Variants in OR2V2 observed in about 807,000 individuals in gnomAD.
OR2V2 encodes olfactory receptor family 2 subfamily V member 2, also known as olfactory receptor 2V2.
For missense variants in OR2V2, 392 were observed against 392.2 expected, an observed-to-expected ratio of 1.00 and a Z score of 0.00; for synonymous variants, 161 against 151.3, an observed-to-expected ratio of 1.06 and a Z score of -0.47.
intron 1 of OR2V2, among the ~76,000 whole-genome samples, chr5:181,152,343 G>A (rs184146582): frequency 5.3e-5 from 8 of 152,250 alleles, no homozygotes; most frequent in African/African-American, 1.2e-4. Flanking sequence ...GGGGTAAGCC[G>A]CCTTATCTTG....
chr5:181,150,419 C>A (rs545374615), intron 1 of OR2V2, among the ~76,000 whole-genome samples: 1 of 152,340 alleles, frequency 6.6e-6, no homozygotes, highest in South Asian at 2.1e-4. Context: ...AAGACATGCG[C>A]TGGCAGTCAC....
chr5:181,147,872 G>A lies in OR2V2; in HGVS notation c.-148G>A, dbSNP rs796694565. The stretch of plus-strand genomic sequence containing the variant: ...GGCTGAGGAAGGAGGTTGGGGCTGC[G>A]GCTCCTCCTGTCCCCTGACCCAGTG... On this transcript the variant is annotated 5_prime_UTR_variant, in exon 1 of 2. Coordinates refer to ENST00000641492, the MANE Select transcript of OR2V2 (RefSeq NM_206880.2). 1.5e-4 allele frequency: 59 copies of A among 396,628 alleles called. No homozygotes were observed. Among genetic ancestry groups the A allele is most frequent in the African/African-American group, 6.9e-4 (33 of 47,962 alleles). The allele number at this position is 396,628 out of a possible 1,614,324, so 24.6% of individuals were successfully genotyped here.
chr5:181,148,795 G>A (rs934140538), intron 1 of OR2V2, among the ~76,000 whole-genome samples: 2 of 152,210 alleles, frequency 1.3e-5, no homozygotes, highest in African/African-American at 4.8e-5. Flanking sequence ...CTCTAAATGG[G>A]TGCTGAAGGG....
At chr5:181,154,447 G>A (rs1035619254) in intron 1 of OR2V2, among the ~76,000 whole-genome samples, 2 of 152,086 alleles carry the variant, frequency 1.3e-5, no homozygotes, top group South Asian at 2.1e-4. Flanking sequence ...AAAATTAGCT[G>A]GGCGTGGTGG....
intron 1 of OR2V2, among the ~76,000 whole-genome samples, chr5:181,152,923 T>C (rs1320212226): frequency 6.6e-6 from 1 of 152,266 alleles, no homozygotes. Context: ...ATATGTGTTA[T>C]TCTGTTTTAA....
rs1005283179 is a variant in OR2V2, at chr5:181,157,880, A to G, written c.*1990A>G. The G allele has an allele frequency of 4.6e-5, 7 of 152,146 alleles. No homozygotes were observed. Among genetic ancestry groups the G allele is most frequent in the African/African-American group, 1.7e-4 (7 of 41,442 alleles). The allele number at this position is 152,146 out of a possible 1,614,324, so 9.4% of individuals were successfully genotyped here. On this transcript the variant is annotated 3_prime_UTR_variant, in exon 2 of 2. Coordinates refer to ENST00000641492, the MANE Select transcript of OR2V2 (RefSeq NM_206880.2). ...TTGAGTGTTTCAACCACAACTCTTT[A>G]TCTATAGCCACTGAACCCCTAGACT...
At position 181,157,070 on chromosome 5, in the gene OR2V2, A is replaced by G. The variant is rs1763275156; in HGVS notation, c.*1180A>G. 1 of 152,154 alleles carries G rather than the reference A, an allele frequency of 6.6e-6. No individual in the cohort carries two copies. Among genetic ancestry groups the G allele is most frequent in the Non-Finnish European group, 1.5e-5 (1 of 68,028 alleles). The allele number at this position is 152,154 out of a possible 1,614,324, so 9.4% of individuals were successfully genotyped here. A position where few individuals can be genotyped will look rare whatever the true frequency, so the allele number is the denominator to read the frequency against. ...AATTTCATCTGCTATTTGAAAACCT[A>G]TTTTCAGAATTTCAGTGTGAACTAT... On this transcript the variant is annotated 3_prime_UTR_variant, in exon 2 of 2. Coordinates refer to ENST00000641492, the MANE Select transcript of OR2V2 (RefSeq NM_206880.2).
chr5:181,149,253 G>C, intron 1 of OR2V2, among the ~76,000 whole-genome samples: 1 of 152,148 alleles, frequency 6.6e-6, no homozygotes, highest in East Asian at 1.9e-4. Flanking sequence ...ATGTGGGGTG[G>C]ATATGTTTTG....
intron 1 of OR2V2, among the ~76,000 whole-genome samples, chr5:181,151,016 G>A (rs960021168): frequency 1.3e-5 from 2 of 152,168 alleles, no homozygotes; most frequent in African/African-American, 4.8e-5. Context: ...CAGAGTATCA[G>A]GCAGTGATGA....
In OR2V2 at chr5:181,156,400, G is replaced by A. The variant is rs575457919; in HGVS notation, c.*510G>A. 7.9e-4 allele frequency: 122 copies of A among 154,038 alleles called. No individual in the cohort carries two copies. Among genetic ancestry groups the A allele is most frequent in the Middle Eastern group, 3.4e-3 (1 of 296 alleles). 9.5% of individuals were successfully genotyped at this position (154,038 alleles called of 1,614,324 possible). The stretch of plus-strand genomic sequence containing the variant: ...TGAGATTACAGGCGTGAGCCACCAC[G>A]CACAGCCAACATCAGTACTTTTTAT... On this transcript the variant is annotated 3_prime_UTR_variant, in exon 2 of 2. Transcript: ENST00000641492.
intron 1 of OR2V2, among the ~76,000 whole-genome samples, chr5:181,150,480 G>C (rs1047713905): frequency 2.6e-5 from 4 of 152,204 alleles, no homozygotes; most frequent in African/African-American, 9.6e-5. Context: ...GCTCAGGTCA[G>C]GAGAAAGCTC....
At chr5:181,148,771 A>C (rs1048737761) in intron 1 of OR2V2, among the ~76,000 whole-genome samples, 1 of 152,096 alleles carries the variant, frequency 6.6e-6, no homozygotes, top group African/African-American at 2.4e-5. Flanking sequence ...GGGAGGGAGG[A>C]GGAAGGATTT....
intron 1 of OR2V2, among the ~76,000 whole-genome samples, chr5:181,149,177 G>A (rs563797847): frequency 6.6e-6 from 1 of 152,328 alleles, no homozygotes; most frequent in African/African-American, 2.4e-5. Context: ...CCATCCTCCA[G>A]GGAGGCTGCA....
Position 181,155,470 on chromosome 5 carries a change from C to A in OR2V2, c.528C>A (p.Asn176Lys), listed in dbSNP as rs752904239. 3.1e-6 allele frequency: 5 copies of A among 1,614,028 alleles called. No homozygotes were observed. The African/African-American group carries it at 5.3e-5, about 17-fold the overall frequency. Residue 176 changes from asparagine (N) to lysine (K), a missense_variant, in exon 2 of 2, where the codon AAC becomes AAA. Transcript: ENST00000641492. Reference protein sequence around the residue: ...NFPYCGLRKVNHFFCEMLSLL... With the variant: ...NFPYCGLRKVKHFFCEMLSLL... ...CCTACTGTGGCTTGAGGAAGGTGAACCATTTCTTCTGTGAGATGCTATCCT... is the reference window on the plus strand; with the variant it reads ...CCTACTGTGGCTTGAGGAAGGTGAAACATTTCTTCTGTGAGATGCTATCCT...
At position 181,156,102 on chromosome 5, in the gene OR2V2, TCC is replaced by T. The variant is rs1338204577; in HGVS notation, c.*213_*214del. On this transcript the variant is annotated 3_prime_UTR_variant, in exon 2 of 2. Coordinates refer to ENST00000641492, the MANE Select transcript of OR2V2 (RefSeq NM_206880.2). ...TCTTTCTTTCGTTCTTTCTTTCTCT[TCC>T]TCTTTCTCTTTCTTTCTTTTTCTTT... The T allele has an allele frequency of 2.7e-6, 1 of 369,858 alleles. No homozygotes were observed. 22.9% of individuals were successfully genotyped at this position (369,858 alleles called of 1,614,324 possible).
intron 1 of OR2V2, among the ~76,000 whole-genome samples, chr5:181,153,753 A>G (rs1376838796): frequency 2.6e-5 from 4 of 152,204 alleles, no homozygotes; most frequent in Non-Finnish European, 5.9e-5. Flanking sequence ...CTCCAAATAA[A>G]TCCATTGAAA....
chr5:181,148,511 G>A (rs759657941), intron 1 of OR2V2, among the ~76,000 whole-genome samples: 2 of 152,244 alleles, frequency 1.3e-5, no homozygotes, highest in Non-Finnish European at 2.9e-5. Flanking sequence ...TTAGAGAGCA[G>A]GAAAATGAGC....
chr5:181,155,448 A>G lies in OR2V2; in HGVS notation c.506A>G (p.Tyr169Cys). The G allele has an allele frequency of 1.9e-6, 3 of 1,614,066 alleles. No homozygotes were observed. The highest frequency in any genetic ancestry group is 2.5e-6 in the Non-Finnish European group (3 of 1,180,008). The change falls in exon 2 of 2, where the codon TAC (tyrosine) becomes TGC (cysteine). Residue 169 changes from tyrosine (Y) to cysteine (C), a missense_variant. Coordinates refer to ENST00000641492, the MANE Select transcript of OR2V2 (RefSeq NM_206880.2). ...ATGGTGGTAGTAATGAATTTCCCCT[A>G]CTGTGGCTTGAGGAAGGTGAACCAT... ...IQMVVVMNFP[Y>C]CGLRKVNHFF...
In OR2V2 at chr5:181,153,283, G is replaced by A. The variant is rs997235088; in HGVS notation, c.-24-1636G>A. Among the ~76,000 whole-genome samples the A allele has an allele frequency of 7.9e-5, 12 of 152,276 alleles. No individual in the cohort carries two copies. In the South Asian group the frequency reaches 8.3e-4, roughly 11 times the overall value. On this transcript the variant is annotated intron_variant, in intron 1 of 1. Coordinates refer to ENST00000641492, the MANE Select transcript of OR2V2 (RefSeq NM_206880.2). ...TTGCCTTGGCTTCAGATATTCTACCGTCAAGGATGCTTTGTCTTTTTTAAT... is the reference window on the plus strand; with the variant it reads ...TTGCCTTGGCTTCAGATATTCTACCATCAAGGATGCTTTGTCTTTTTTAAT...
Sources: gnomAD v4.1 joint callset for allele counts (sites outside exome capture counted in the v4.1 genomes callset) on GRCh38, gnomAD v4.1.1 for gene constraint, MANE v1.5 for transcripts, NCBI Gene and HGNC (gene_info 2026-07-23, HGNC 2026-07-21) for gene names.